Variants in ATP7B observed in about 807,000 individuals in gnomAD.
ATP7B encodes copper-transporting ATPase 2.
ATP7B carries 113 observed loss-of-function variants against 118.9 expected under a neutral mutation model. The observed-to-expected ratio is 0.95, with a 90% CI of 0.82 to 1.11. The LOEUF (loss-of-function observed/expected upper bound fraction) is 1.11. Ranked by LOEUF, ATP7B falls within the 50% of genes most tolerant of loss-of-function variation. ATP7B has a pLI of 0.00. For synonymous variants in ATP7B, 777 were observed against 727.4 expected (o/e 1.07, Z -1.10); for missense variants, 1,867 against 1,871.4 (o/e 1.00, Z 0.04).
intron 1 of ATP7B, among the ~76,000 whole-genome samples, chr13:52,003,986 C>T (rs1358114057): frequency 2.6e-5 from 4 of 152,122 alleles, no homozygotes; most frequent in Admixed American, 1.3e-4. Context: ...TGGCCGGGCG[C>T]GGTGGCTCAC....
chr13:51,946,366 G>T lies in ATP7B; in HGVS notation c.2978C>A (p.Thr993Lys). ...CACCCCGGTGCCCACCATGACAGCCGTGGGCGTGGCCAGCCCCAGGGAGCA... is the reference window on the plus strand; with the variant it reads ...CACCCCGGTGCCCACCATGACAGCCTTGGGCGTGGCCAGCCCCAGGGAGCA... Reference protein sequence around the residue: ...CPCSLGLATPTAVMVGTGVAA... With the variant: ...CPCSLGLATPKAVMVGTGVAA... Residue 993 changes from threonine to lysine, a missense_variant, in exon 13 of 21, where the codon ACG (threonine) becomes AAG (lysine). Transcript: ENST00000242839. The T allele has an allele frequency of 6.2e-7, 1 of 1,613,400 alleles. No homozygotes were observed. Among genetic ancestry groups the T allele is most frequent in the Non-Finnish European group, 8.5e-7 (1 of 1,179,880 alleles).
chr13:51,961,862 A>C lies in ATP7B; in HGVS notation c.1921T>G (p.Leu641Val), dbSNP rs891441232. ...TGCTTTATTTCCATCTTGTGGTCCAAGTGATGAGCGTTGGGGTTTCTCTGG... is the reference window on the plus strand; with the variant it reads ...TGCTTTATTTCCATCTTGTGGTCCACGTGATGAGCGTTGGGGTTTCTCTGG... ...LAQRNPNAHH[L>V]DHKMEIKQWK... The change falls in exon 6 of 21, where the codon TTG becomes GTG. Residue 641 changes from leucine to valine, a missense_variant. Transcript: ENST00000242839. 8.7e-6 allele frequency: 14 copies of C among 1,613,880 alleles called. No homozygotes were observed. In the East Asian group the frequency reaches 8.9e-5, roughly 10 times the overall value.
intron 1 of ATP7B, among the ~76,000 whole-genome samples, chr13:51,998,915 C>T (rs747863558): frequency 6.6e-6 from 1 of 152,156 alleles, no homozygotes; most frequent in South Asian, 2.1e-4. Flanking sequence ...GCTTCCCAGA[C>T]GAAATCCCCA....
intron 17 of ATP7B, among the ~76,000 whole-genome samples, chr13:51,937,998 G>T (rs1957074813): frequency 1.3e-5 from 2 of 152,270 alleles, no homozygotes; most frequent in African/African-American, 2.4e-5. Flanking sequence ...GTCCGGCCAT[G>T]TCCCTCCCTA....
chr13:51,967,237 T>C (rs1430236781), intron 4 of ATP7B: 1 of 893,172 alleles, frequency 1.1e-6, no homozygotes, highest in Non-Finnish European at 1.7e-6. Flanking sequence ...TTTCTTTCTT[T>C]TTTTTTTCAT....
At chr13:52,011,485 G>C, upstream of ATP7B, 1 of 942,494 alleles carries the variant, frequency 1.1e-6, no homozygotes, top group East Asian at 2.6e-5. Flanking sequence ...AGCAAACAGG[G>C]GTCCGGGAAC....
In ATP7B at chr13:51,982,005, AT is replaced by A. The variant is rs5803589; in HGVS notation, c.52-6838del. Among the ~76,000 whole-genome samples the A allele has an allele frequency of 4.3e-3, 601 of 140,886 alleles. 1 individual carries two copies. The highest frequency in any genetic ancestry group is 6.3e-3 in the African/African-American group (242 of 38,186). The allele number at this position is 140,886 out of a possible 152,430, so 92.4% of individuals were successfully genotyped here. On this transcript the variant is annotated intron_variant, in intron 1 of 20. Transcript: ENST00000242839. The stretch of plus-strand genomic sequence containing the variant: ...CATAATGAGATTTTTTTGGGTGTGA[AT>A]TTTTTTTTTTTTTTTTTAGCTCATC...
At chr13:51,948,999 G>A (rs1406977902) in intron 12 of ATP7B, among the ~76,000 whole-genome samples, 6 of 152,140 alleles carry the variant, frequency 3.9e-5, no homozygotes, top group Non-Finnish European at 8.8e-5. Context: ...GACTAATACG[G>A]TGAAACCCCA....
At chr13:51,946,616 CACTGCTCTGCCATCATAGAGAACACGTT>C (rs1957680594) in intron 12 of ATP7B, 138 bp from the exon 13 acceptor site, 2 of 902,308 alleles carry the variant, frequency 2.2e-6, no homozygotes, top group African/African-American at 3.3e-5. Flanking sequence ...TGGTATTCCA[CACTGCTCTGCCATCATAGAGAACACGTT>C]ACTGCTCTCC....
chr13:51,950,481 A>G (rs1161825028), intron 9 of ATP7B, 82 bp from the exon 10 acceptor site: 15 of 1,585,638 alleles, frequency 9.5e-6, no homozygotes, highest in Non-Finnish European at 1.3e-5. Context: ...TACAATAGTT[A>G]CACTGTATTT....
intron 1 of ATP7B, among the ~76,000 whole-genome samples, chr13:52,002,717 G>A (rs2140543640): frequency 6.6e-6 from 1 of 150,706 alleles, no homozygotes; most frequent in African/African-American, 2.4e-5. Flanking sequence ...AGATATCCAT[G>A]GGTTTGGTTC....
chr13:51,965,451 T>C (rs545555779), intron 4 of ATP7B, among the ~76,000 whole-genome samples: 4 of 152,240 alleles, frequency 2.6e-5, no homozygotes, highest in Non-Finnish European at 5.9e-5. Flanking sequence ...TGAGTGTTGC[T>C]GGCATGCGGT....
intron 1 of ATP7B, among the ~76,000 whole-genome samples, chr13:51,987,481 T>C (rs1234517304): frequency 6.6e-6 from 1 of 152,230 alleles, no homozygotes; most frequent in African/African-American, 2.4e-5. Flanking sequence ...AAAATGGCCA[T>C]ACTGCCCAAA....
upstream of ATP7B, chr13:52,011,560 C>G: frequency 1.6e-6 from 1 of 633,564 alleles, no homozygotes; most frequent in South Asian, 1.8e-5. Flanking sequence ...AAGTTGCGCG[C>G]CGCCGTCCTC....
chr13:51,965,603 T>C (rs1030713151), intron 4 of ATP7B, among the ~76,000 whole-genome samples: 3 of 152,016 alleles, frequency 2.0e-5, no homozygotes, highest in Non-Finnish European at 1.5e-5. Flanking sequence ...AAATAGGCTA[T>C]TGACAAGTGA....
intron 14 of ATP7B, among the ~76,000 whole-genome samples, chr13:51,943,019 C>T (rs1957428936): frequency 6.6e-6 from 1 of 152,128 alleles, no homozygotes; most frequent in African/African-American, 2.4e-5. Context: ...AGATAACTGC[C>T]TGTATATCAG....
At position 51,966,737 on chromosome 13, in the gene ATP7B, C is replaced by A; in HGVS notation, c.1708-1704G>T. On this transcript the variant is annotated intron_variant, in intron 4 of 20. Coordinates refer to ENST00000242839, the MANE Select transcript of ATP7B (RefSeq NM_000053.4). Reference sequence around the variant, plus strand: ...GCTCTGCACGCCAGCCCGCCCGCACCCACCATGGCCACAGTTCAGCAGCTG... The same window carrying A: ...GCTCTGCACGCCAGCCCGCCCGCACACACCATGGCCACAGTTCAGCAGCTG... 21 of 1,581,556 alleles carry A rather than the reference C, an allele frequency of 1.3e-5. No individual in the cohort carries two copies. In the South Asian group the frequency reaches 2.3e-4, roughly 17 times the overall value.
chr13:51,988,154 A>G (rs1318317479), intron 1 of ATP7B, among the ~76,000 whole-genome samples: 1 of 152,118 alleles, frequency 6.6e-6, no homozygotes, highest in African/African-American at 2.4e-5. Flanking sequence ...TTTGCAATCT[A>G]TCCATCTGAC....
Position 51,939,064 on chromosome 13 carries a change from G to A in ATP7B, c.3686C>T (p.Ala1229Val), listed in dbSNP as rs1234490439. The change falls in exon 17 of 21, where the codon GCT (alanine) becomes GTT (valine). Residue 1229 changes from alanine to valine, a missense_variant. Physicochemically the swap from Ala to Val is moderately conservative, Grantham distance 64. Coordinates refer to ENST00000242839, the MANE Select transcript of ATP7B (RefSeq NM_000053.4). Reference protein sequence around the residue: ...ITGDNRKTARAIATQVGINKV... With the variant: ...ITGDNRKTARVIATQVGINKV... ...AAAGGGCTGTACCTGGGTGGCAATA[G>A]CTCTGGCTGTCTTCCGGTTGTCCCC... 1.2e-6 allele frequency: 2 copies of A among 1,614,230 alleles called. No homozygotes were observed. Among genetic ancestry groups the A allele is most frequent in the South Asian group, 1.1e-5 (1 of 91,090 alleles).
Sources: allele counts gnomAD v4.1 joint callset (sites outside exome capture counted in the v4.1 genomes callset), GRCh38; gene constraint gnomAD v4.1.1; transcripts MANE v1.5; gene names NCBI Gene and HGNC (gene_info 2026-07-23, HGNC 2026-07-21).